TRIM2: variants seen among roughly 807,000 people sequenced by gnomAD.
TRIM2 encodes the protein tripartite motif containing 2, also known as tripartite motif-containing protein 2.
A neutral mutation model predicts 75.2 loss-of-function variants in TRIM2; 20 were observed. The observed-to-expected ratio is 0.27, with a 90% CI of 0.19 to 0.39. TRIM2 has a LOEUF of 0.39. Among genes scored for constraint, TRIM2 ranks in the 10% least tolerant of loss-of-function variants. TRIM2 has a pLI of 1.00. For missense variants in TRIM2, 660 were observed against 990.8 expected (o/e 0.67, Z 4.48); for synonymous variants, 373 against 388.3 (o/e 0.96, Z 0.46).
chr4:153,180,622 C>G (rs1041877196), intron 1 of TRIM2, among the ~76,000 whole-genome samples: 4 of 152,218 alleles, frequency 2.6e-5, no homozygotes, highest in Non-Finnish European at 5.9e-5. Flanking sequence ...GGATCACAGG[C>G]GTGTGCCACC....
intron 11 of TRIM2, among the ~76,000 whole-genome samples, chr4:153,328,876 A>G (rs1052339692): frequency 8.5e-5 from 13 of 152,118 alleles, no homozygotes; most frequent in African/African-American, 3.1e-4. Flanking sequence ...GGGTTTTAAT[A>G]TGGACCCCAC....
At chr4:153,221,739 T>A (rs28584057) in intron 1 of TRIM2, among the ~76,000 whole-genome samples, 3 of 138,938 alleles carry the variant, frequency 2.2e-5, no homozygotes, top group African/African-American at 2.6e-5. Context: ...AAGGAAAGAG[T>A]GAGGAAGGGA....
At chr4:153,274,838 T>C (rs533032969) in intron 2 of TRIM2, among the ~76,000 whole-genome samples, 2 of 152,216 alleles carry the variant, frequency 1.3e-5, no homozygotes, top group African/African-American at 2.4e-5. Context: ...AAACATCTGC[T>C]GGATTCAGAC....
At chr4:153,249,335 G>A (rs181116027) in intron 1 of TRIM2, among the ~76,000 whole-genome samples, 2 of 152,226 alleles carry the variant, frequency 1.3e-5, no homozygotes, top group East Asian at 1.9e-4. Context: ...CCCGGGCCCC[G>A]GCAGAGCCTG....
At chr4:153,239,596 G>A (rs1471743009) in intron 1 of TRIM2, among the ~76,000 whole-genome samples, 1 of 152,094 alleles carries the variant, frequency 6.6e-6, no homozygotes, top group Non-Finnish European at 1.5e-5. Flanking sequence ...CATCATCATT[G>A]CATGAAAGTG....
intron 1 of TRIM2, chr4:153,222,153 A>G (rs916097663): frequency 4.0e-5 from 6 of 151,810 alleles, no homozygotes; most frequent in African/African-American, 1.2e-4. Flanking sequence ...ATGACTTATC[A>G]TTTGCAGGAC....
intron 1 of TRIM2, among the ~76,000 whole-genome samples, chr4:153,192,618 A>AG (rs1282222977): frequency 5.9e-5 from 9 of 151,432 alleles, no homozygotes; most frequent in Admixed American, 3.3e-4. Context: ...AAAAAAAAAA[A>AG]AAAGAAAGTT....
rs1240840776 is a variant in TRIM2 at position 153,295,208 on chromosome 4, C to G, written c.787-105C>G. The G allele has an allele frequency of 1.4e-6, 2 of 1,419,260 alleles. No homozygotes were observed. Among genetic ancestry groups the G allele is most frequent in the Non-Finnish European group, 1.9e-6 (2 of 1,078,068 alleles). The allele number at this position is 1,419,260 out of a possible 1,614,324, so 87.9% of individuals were successfully genotyped here. On this transcript the variant is annotated intron_variant, in intron 5 of 11. Transcript: ENST00000338700. This position sits in a 1 kb window ranked among gnomAD's most constrained non-coding sequence, Gnocchi z 7.2. ...ACAAACACCGCTTGCTCAGAGCCAC[C>G]TGCGTGGGCAGGTGTAGAGTCTCCT...
intron 11 of TRIM2, among the ~76,000 whole-genome samples, chr4:153,330,575 A>C (rs1053950984): frequency 2.6e-5 from 4 of 152,178 alleles, no homozygotes; most frequent in Non-Finnish European, 5.9e-5. Flanking sequence ...AATAAAGAAA[A>C]TCAGTCAATG....
intron 10 of TRIM2, among the ~76,000 whole-genome samples, chr4:153,326,315 A>G (rs1183566016): frequency 2.0e-5 from 3 of 152,214 alleles, no homozygotes; most frequent in Non-Finnish European, 4.4e-5. Context: ...GAAGTAGATT[A>G]TTTTAGCTAT....
rs141090499 is a variant in TRIM2, at chr4:153,212,889, G to A, written c.30+8329G>A. ...GTTCCTTTGCATGGTGGTTGTGCAC[G>A]TAGCCTCCAGGCCTGGGCTTGCATC... On this transcript the variant is annotated intron_variant, in intron 1 of 11. Coordinates refer to ENST00000338700, the MANE Select transcript of TRIM2 (RefSeq NM_015271.5). Among the ~76,000 whole-genome samples, 1,168 of 152,206 alleles carry A rather than the reference G, an allele frequency of 7.7e-3. 15 individuals carry two copies. The highest frequency in any genetic ancestry group is 0.026 in the African/African-American group (1,067 of 41,512).
At chr4:153,327,548 G>C (rs1047047308) in intron 10 of TRIM2, among the ~76,000 whole-genome samples, 31 of 152,216 alleles carry the variant, frequency 2.0e-4, no homozygotes, top group Non-Finnish European at 4.6e-4. Context: ...TAGGCATCAT[G>C]ACAATGGAAG....
chr4:153,232,913 G>A (rs1285700854), intron 1 of TRIM2, among the ~76,000 whole-genome samples: 1 of 152,184 alleles, frequency 6.6e-6, no homozygotes, highest in African/African-American at 2.4e-5. Context: ...GGGAGACTCA[G>A]AGCTGCAGGT....
At chr4:153,191,566 G>A (rs753360879) in intron 1 of TRIM2, among the ~76,000 whole-genome samples, 4 of 152,252 alleles carry the variant, frequency 2.6e-5, no homozygotes, top group Non-Finnish European at 4.4e-5. Flanking sequence ...AAATCAGACA[G>A]TCTGTGCTTT....
chr4:153,250,958 C>G (rs1750718901), intron 1 of TRIM2, among the ~76,000 whole-genome samples: 1 of 152,206 alleles, frequency 6.6e-6, no homozygotes, highest in African/African-American at 2.4e-5. Flanking sequence ...CACACAATCA[C>G]TTGTGCAATG....
chr4:153,226,336 T>C, intron 1 of TRIM2, among the ~76,000 whole-genome samples: 1 of 152,214 alleles, frequency 6.6e-6, no homozygotes, highest in East Asian at 1.9e-4. Context: ...CTAAAATAAA[T>C]ACCATATATG....
intron 1 of TRIM2, among the ~76,000 whole-genome samples, chr4:153,192,452 C>A (rs1579429504): frequency 6.6e-6 from 1 of 151,866 alleles, no homozygotes; most frequent in East Asian, 1.9e-4. Flanking sequence ...ACAAAAAATA[C>A]AAAAATTAGC....
Position 153,237,674 on chromosome 4 carries a change from C to T in TRIM2, c.31-32661C>T, listed in dbSNP as rs115269903. 9.4e-3 allele frequency among the ~76,000 whole-genome samples: 1,405 copies of T among 149,948 alleles called. 18 individuals are homozygous for T. Among genetic ancestry groups the T allele is most frequent in the African/African-American group, 0.03 (1,237 of 40,752 alleles). ...CAGCCCAGGCGACAGTGCGAGACTC[C>T]GACTCAAAAAAAAAAGAGTCAAAAT... is the stretch of plus-strand genomic sequence containing the variant. On this transcript the variant is annotated intron_variant, in intron 1 of 11. Coordinates refer to ENST00000338700, the MANE Select transcript of TRIM2 (RefSeq NM_015271.5).
intron 1 of TRIM2, among the ~76,000 whole-genome samples, chr4:153,154,827 T>C (rs1729075731): frequency 6.6e-6 from 1 of 152,124 alleles, no homozygotes; most frequent in Admixed American, 6.5e-5. Flanking sequence ...AAATAATGCT[T>C]GACATTTGGT....
Sources: gnomAD v4.1 joint callset for allele counts (sites outside exome capture counted in the v4.1 genomes callset) on GRCh38, gnomAD v4.1.1 for gene constraint, Gnocchi (gnomAD v3.1) non-coding constraint, MANE v1.5 for transcripts, NCBI Gene and HGNC (gene_info 2026-07-23, HGNC 2026-07-21) for gene names.